CDK17: variants seen among roughly 807,000 people sequenced by gnomAD.
CDK17 encodes the protein cyclin-dependent kinase 17.
CDK17 carries 24 observed loss-of-function variants against 77.6 expected under a neutral mutation model. The ratio of observed to expected loss-of-function variants is 0.31; its 90% CI spans 0.22 to 0.44. The LOEUF (loss-of-function observed/expected upper bound fraction) is 0.44. Among genes scored for constraint, CDK17 ranks in the 20% least tolerant of loss-of-function variants. The pLI, the probability that CDK17 is intolerant of heterozygous loss-of-function variation, is 1.00. For synonymous variants in CDK17, 203 were observed against 210.4 expected, an observed-to-expected ratio of 0.96 and a Z score of 0.30; for missense variants, 429 against 622.5, an observed-to-expected ratio of 0.69 and a Z score of 3.31.
chr12:96,367,547 T>C (rs1400525177), intron 1 of CDK17, among the ~76,000 whole-genome samples: 1 of 152,022 alleles, frequency 6.6e-6, no homozygotes, highest in Non-Finnish European at 1.5e-5. Context: ...CTCTCAGTTA[T>C]GAATGGGAGA....
intron 5 of CDK17, among the ~76,000 whole-genome samples, chr12:96,305,660 T>C (rs1179827925): frequency 6.6e-6 from 1 of 152,126 alleles, no homozygotes; most frequent in African/African-American, 2.4e-5. Context: ...AATGGGTATA[T>C]GCATAGGTAG....
chr12:96,346,786 G>T (rs974861300), intron 1 of CDK17, among the ~76,000 whole-genome samples: 8 of 151,240 alleles, frequency 5.3e-5, no homozygotes, highest in East Asian at 2.0e-4. Flanking sequence ...ATGGTGGCAG[G>T]TGCCTGTAGT....
intron 1 of CDK17, among the ~76,000 whole-genome samples, chr12:96,367,943 T>A (rs1183159130): frequency 1.3e-5 from 2 of 151,772 alleles, no homozygotes; most frequent in African/African-American, 4.8e-5. Context: ...AAAGCATGCA[T>A]TTAAAAACGT....
At chr12:96,325,935 G>A (rs1454356482) in intron 2 of CDK17, among the ~76,000 whole-genome samples, 2 of 152,124 alleles carry the variant, frequency 1.3e-5, no homozygotes, top group Non-Finnish European at 2.9e-5. Flanking sequence ...AGAGTGGGAG[G>A]ATCACTTGTG....
At chr12:96,296,486 A>ATATT (rs1262111795) in intron 9 of CDK17, among the ~76,000 whole-genome samples, 2 of 152,184 alleles carry the variant, frequency 1.3e-5, no homozygotes, top group Non-Finnish European at 2.9e-5. Flanking sequence ...CAAACTTAAT[A>ATATT]TTTTTTTAAA....
chr12:96,382,951 A>T (rs1214605441), intron 1 of CDK17, among the ~76,000 whole-genome samples: 8 of 152,122 alleles, frequency 5.3e-5, no homozygotes, highest in Admixed American at 4.6e-4. Flanking sequence ...AATCAAAGGC[A>T]TCTGAATAGA....
chr12:96,314,935 C>T (rs1324477041), intron 3 of CDK17, among the ~76,000 whole-genome samples: 1 of 152,162 alleles, frequency 6.6e-6, no homozygotes, highest in East Asian at 1.9e-4. Flanking sequence ...TGTGCCCCCA[C>T]CCACTGCACT....
chr12:96,336,051 G>A (rs1953036469), intron 1 of CDK17, among the ~76,000 whole-genome samples: 1 of 152,062 alleles, frequency 6.6e-6, no homozygotes, highest in Admixed American at 6.6e-5. Context: ...TACTGAACAG[G>A]TAATCTATGC....
rs1221164801 is a variant in CDK17, at chr12:96,383,884, T to C, written c.-30+16102A>G. 9.9e-5 allele frequency among the ~76,000 whole-genome samples: 15 copies of C among 152,042 alleles called. No individual in the cohort carries two copies. In the East Asian group the frequency reaches 1.4e-3, roughly 14 times the overall value. On this transcript the variant is annotated intron_variant, in intron 1 of 16. Transcript: ENST00000261211. Reference sequence around the variant, plus strand: ...TTTATGGCTAAGTCCCCAAAAACAATTGCAAAGAAAACAAAAATTGACAAG... The same window carrying C: ...TTTATGGCTAAGTCCCCAAAAACAACTGCAAAGAAAACAAAAATTGACAAG...
chr12:96,313,219 T>G lies in CDK17; in HGVS notation c.417+102A>C, dbSNP rs192851945. On this transcript the variant is annotated intron_variant, in intron 4 of 16. Coordinates refer to ENST00000261211, the MANE Select transcript of CDK17 (RefSeq NM_002595.5). ...TTCTTACAAGTGTCACGTGTCTTCA[T>G]GAAAATTTTTAAATGGGCATTTACT... The G allele has an allele frequency of 1.4e-4, 118 of 851,900 alleles. No individual in the cohort carries two copies. In the East Asian group the frequency reaches 3.5e-3, roughly 25 times the overall value. 52.8% of individuals were successfully genotyped at this position (851,900 alleles called of 1,614,324 possible). A position where few individuals can be genotyped will look rare whatever the true frequency, so the allele number is the denominator to read the frequency against.
At chr12:96,296,702 T>C (rs2137080441) in intron 9 of CDK17, among the ~76,000 whole-genome samples, 1 of 152,346 alleles carries the variant, frequency 6.6e-6, no homozygotes, top group Middle Eastern at 3.4e-3. Context: ...TTAATAACTT[T>C]TGGGTATCAT....
chr12:96,371,528 C>T (rs140013338), intron 1 of CDK17, among the ~76,000 whole-genome samples: 1 of 152,274 alleles, frequency 6.6e-6, no homozygotes, highest in Non-Finnish European at 1.5e-5. Context: ...CACAGTGGCT[C>T]AAGCCTGTAA....
chr12:96,298,531 G>A (rs556880156), intron 7 of CDK17, among the ~76,000 whole-genome samples: 8 of 152,040 alleles, frequency 5.3e-5, no homozygotes, highest in Non-Finnish European at 1.2e-4. Flanking sequence ...TTTATAAAAT[G>A]GTACTATGAT....
intron 2 of CDK17, 39 bp from the exon 3 acceptor site, chr12:96,324,151 T>C: frequency 2.0e-6 from 3 of 1,526,158 alleles, no homozygotes; most frequent in Non-Finnish European, 2.7e-6. Flanking sequence ...CCATCATCAG[T>C]CCAAGATCCA....
In CDK17 at chr12:96,386,999, A is replaced by G. The variant is rs1256413765; in HGVS notation, c.-30+12987T>C. On this transcript the variant is annotated intron_variant, in intron 1 of 16. Transcript: ENST00000261211. ...CCAGAGGTAAACTGTCTGGTAGAGT[A>G]AAATATCTAATGTTACTTCCTCAAA... is the stretch of plus-strand genomic sequence containing the variant. 7 of 310,384 alleles carry G rather than the reference A, an allele frequency of 2.3e-5. No homozygotes were observed. In the East Asian group the frequency reaches 6.0e-4, roughly 26 times the overall value. The allele number at this position is 310,384 out of a possible 1,614,324, so 19.2% of individuals were successfully genotyped here.
chr12:96,399,656 G>C (rs1954226915), intron 1 of CDK17, among the ~76,000 whole-genome samples: 2 of 152,120 alleles, frequency 1.3e-5, no homozygotes, highest in Non-Finnish European at 2.9e-5. Flanking sequence ...CGAGGAGACC[G>C]GCCTCCCCCG....
At chr12:96,299,223 TAGAC>T (rs1338997954) in intron 6 of CDK17, among the ~76,000 whole-genome samples, 1 of 152,142 alleles carries the variant, frequency 6.6e-6, no homozygotes, top group Non-Finnish European at 1.5e-5. Context: ...TATAAAAACA[TAGAC>T]AGAATATTTA....
intron 1 of CDK17, among the ~76,000 whole-genome samples, chr12:96,343,251 A>G (rs1205911630): frequency 1.3e-5 from 2 of 152,238 alleles, no homozygotes; most frequent in South Asian, 2.1e-4. Context: ...AGACACTAAA[A>G]ACAACCAGGA....
chr12:96,352,075 T>C (rs571467119), intron 1 of CDK17, among the ~76,000 whole-genome samples: 18 of 152,052 alleles, frequency 1.2e-4, no homozygotes, highest in African/African-American at 3.9e-4. Context: ...GAACCTGCAA[T>C]AGGAGGGGGA....
Sources: allele counts gnomAD v4.1 joint callset (sites outside exome capture counted in the v4.1 genomes callset), GRCh38; gene constraint gnomAD v4.1.1; transcripts MANE v1.5; gene names NCBI Gene and HGNC (gene_info 2026-07-23, HGNC 2026-07-21).